Variants in CNTNAP2 observed in about 807,000 individuals in gnomAD.
CNTNAP2 encodes the protein contactin associated protein 2.
A neutral mutation model predicts 155.2 loss-of-function variants in CNTNAP2; 98 were observed. The observed-to-expected ratio is 0.63, with a 90% CI of 0.54 to 0.75. The LOEUF is 0.75. Among genes scored for constraint, CNTNAP2 ranks in the 30% least tolerant of loss-of-function variants. The pLI is 0.00. For synonymous variants in CNTNAP2, 651 were observed against 631.2 expected (o/e 1.03, Z -0.47); for missense variants, 1,727 against 1,688.1 (o/e 1.02, Z -0.40).
At chr7:147,401,466 ATAAG>A (rs1196420099) in intron 10 of CNTNAP2, among the ~76,000 whole-genome samples, 3 of 152,202 alleles carry the variant, frequency 2.0e-5, no homozygotes, top group Admixed American at 6.5e-5. Context: ...AAAGAAAAGA[ATAAG>A]TAAATGAATT....
In CNTNAP2 at chr7:147,993,340, T is replaced by C. The variant is rs902126725; in HGVS notation, c.2383+15351T>C. On this transcript the variant is annotated intron_variant, in intron 15 of 23. Coordinates refer to ENST00000361727, the MANE Select transcript of CNTNAP2 (RefSeq NM_014141.6). ...TTACTTTGTTACTTAGGTATCTTTA[T>C]TTATTCTTTACTTATATATTTCAAA... 3.3e-4 allele frequency among the ~76,000 whole-genome samples: 51 copies of C among 152,248 alleles called. 2 individuals carry two copies. Among genetic ancestry groups the C allele is most frequent in the African/African-American group, 1.2e-3 (50 of 41,458 alleles).
At chr7:147,341,338 G>C (rs1003584547) in intron 9 of CNTNAP2, among the ~76,000 whole-genome samples, 10 of 151,968 alleles carry the variant, frequency 6.6e-5, no homozygotes, top group Non-Finnish European at 1.3e-4. Context: ...ACCTAATGTA[G>C]ATGATGGGTT....
At chr7:148,046,015 C>G (rs2707561) in intron 15 of CNTNAP2, among the ~76,000 whole-genome samples, 53,911 of 152,122 alleles carry the variant, frequency 0.35, 10,311 homozygotes, top group East Asian at 0.76. Flanking sequence ...TTAGATACAG[C>G]ATTGCTGGGC....
At chr7:146,514,176 T>G (rs1797508632) in intron 1 of CNTNAP2, among the ~76,000 whole-genome samples, 1 of 152,096 alleles carries the variant, frequency 6.6e-6, no homozygotes, top group Non-Finnish European at 1.5e-5. Flanking sequence ...TGCCTTGATA[T>G]TTCACTGTTT....
At chr7:147,492,888 T>G (rs1798634705) in intron 11 of CNTNAP2, among the ~76,000 whole-genome samples, 1 of 152,216 alleles carries the variant, frequency 6.6e-6, no homozygotes. Context: ...ATCTTGGTTT[T>G]GTGTTTTTAG....
intron 8 of CNTNAP2, among the ~76,000 whole-genome samples, chr7:147,181,624 G>C (rs1015715531): frequency 9.2e-5 from 14 of 152,160 alleles, no homozygotes; most frequent in Non-Finnish European, 1.8e-4. Flanking sequence ...TGAAGTACAA[G>C]AAGTTTGATG....
chr7:147,995,809 G>A (rs937667281), intron 15 of CNTNAP2, among the ~76,000 whole-genome samples: 3 of 152,004 alleles, frequency 2.0e-5, no homozygotes, highest in Admixed American at 6.6e-5. Flanking sequence ...CACTGTGCCC[G>A]GCCTCCCTGT....
chr7:147,546,834 C>T (rs772199872), intron 11 of CNTNAP2, among the ~76,000 whole-genome samples: 2 of 152,168 alleles, frequency 1.3e-5, no homozygotes, highest in East Asian at 3.9e-4. Context: ...ATTCTCATCC[C>T]CTTTGTTCGA....
In CNTNAP2 at chr7:147,174,299, A is replaced by G. The variant is rs571150704; in HGVS notation, c.1348+41790A>G. 7.2e-5 allele frequency among the ~76,000 whole-genome samples: 11 copies of G among 152,286 alleles called. No individual in the cohort carries two copies. The South Asian group carries it at 2.1e-3, about 29-fold the overall frequency. ...ATATCCAAGTTCTGATTACCTTTTA[A>G]TAAAATGAATGAATTAGCTTCAACA... On this transcript the variant is annotated intron_variant, in intron 8 of 23. Coordinates refer to ENST00000361727, the MANE Select transcript of CNTNAP2 (RefSeq NM_014141.6).
At chr7:148,247,651 A>ATTTTTTTTTTTT (rs1299873575) in intron 20 of CNTNAP2, among the ~76,000 whole-genome samples, 1 of 121,560 alleles carries the variant, frequency 8.2e-6, no homozygotes. Context: ...TTATTTATTT[A>ATTTTTTTTTTTT]TTTATTTATT....
At chr7:146,261,984 A>G (rs1799925610) in intron 1 of CNTNAP2, among the ~76,000 whole-genome samples, 1 of 152,188 alleles carries the variant, frequency 6.6e-6, no homozygotes, top group South Asian at 2.1e-4. Flanking sequence ...GACTGCATTG[A>G]TTGTTAGAAA....
At position 148,157,250 on chromosome 7, in the gene CNTNAP2, G is replaced by A. The variant is rs75369777; in HGVS notation, c.2773+9541G>A. Among the ~76,000 whole-genome samples the A allele has an allele frequency of 7.8e-3, 1,183 of 152,230 alleles. 16 individuals are homozygous for A. Among genetic ancestry groups the A allele is most frequent in the African/African-American group, 0.026 (1,093 of 41,534 alleles). Reference sequence around the variant, plus strand: ...TTATTATTCAGAAATAAATGAATACGTTTATTTATGTGTCCTCCCCCTAGA... The same window carrying A: ...TTATTATTCAGAAATAAATGAATACATTTATTTATGTGTCCTCCCCCTAGA... On this transcript the variant is annotated intron_variant, in intron 17 of 23. Transcript: ENST00000361727.
chr7:147,487,936 A>G (rs1311672645), intron 11 of CNTNAP2, among the ~76,000 whole-genome samples: 1 of 152,178 alleles, frequency 6.6e-6, no homozygotes, highest in Admixed American at 6.5e-5. Context: ...TTTAATAATA[A>G]AAGCCTGATC....
At chr7:147,169,806 A>C (rs1584768965) in intron 8 of CNTNAP2, among the ~76,000 whole-genome samples, 1 of 152,050 alleles carries the variant, frequency 6.6e-6, no homozygotes, top group Non-Finnish European at 1.5e-5. Flanking sequence ...TCTTTCTTAA[A>C]ATTTCTATTT....
chr7:147,590,730 G>A (rs1018036705), intron 12 of CNTNAP2, among the ~76,000 whole-genome samples: 1 of 152,196 alleles, frequency 6.6e-6, no homozygotes, highest in Non-Finnish European at 1.5e-5. Context: ...TTCTAAGCAA[G>A]TCATGATAGG....
chr7:146,631,691 CG>C (rs1799513580), intron 1 of CNTNAP2, among the ~76,000 whole-genome samples: 1 of 152,128 alleles, frequency 6.6e-6, no homozygotes, highest in African/African-American at 2.4e-5. Flanking sequence ...TAAAATGGCA[CG>C]CTATTGGACC....
At chr7:147,605,886 C>G (rs1030308542) in intron 12 of CNTNAP2, among the ~76,000 whole-genome samples, 1 of 151,456 alleles carries the variant, frequency 6.6e-6, no homozygotes, top group Non-Finnish European at 1.5e-5. Context: ...TGTCCCTCTT[C>G]CCTTCTCTCT....
At position 146,935,587 on chromosome 7, in the gene CNTNAP2, C is replaced by A. The variant is rs948037465; in HGVS notation, c.402+95683C>A. 3.3e-5 allele frequency among the ~76,000 whole-genome samples: 5 copies of A among 152,190 alleles called. No homozygotes were observed. The East Asian group carries it at 9.6e-4, about 29-fold the overall frequency. Reference sequence around the variant, plus strand: ...AAGCAATGATTAGAAATGTATCCCTCATGATAAGCTGTCTAGCAAACTCTA... The same window carrying A: ...AAGCAATGATTAGAAATGTATCCCTAATGATAAGCTGTCTAGCAAACTCTA... On this transcript the variant is annotated intron_variant, in intron 3 of 23. Transcript: ENST00000361727.
chr7:147,501,095 G>A (rs1488140726), intron 11 of CNTNAP2, among the ~76,000 whole-genome samples: 2 of 151,950 alleles, frequency 1.3e-5, no homozygotes, highest in Non-Finnish European at 2.9e-5. Flanking sequence ...ATTAGCAAAT[G>A]TGATTACACC....
Sources: gnomAD v4.1 joint callset for allele counts (sites outside exome capture counted in the v4.1 genomes callset) on GRCh38, gnomAD v4.1.1 for gene constraint, MANE v1.5 for transcripts, NCBI Gene and HGNC (gene_info 2026-07-23, HGNC 2026-07-21) for gene names.